The following ARMC9 variants were observed in gnomAD, a reference collection of about 807,000 sequenced individuals.
ARMC9 encodes lisH domain-containing protein ARMC9.
Under a neutral mutation model 107.0 loss-of-function variants are expected in ARMC9, and 94 were observed. The ratio of observed to expected loss-of-function variants is 0.88; its 90% confidence interval spans 0.74 to 1.04. ARMC9 has a LOEUF of 1.04. ARMC9 is among the 50% of genes least tolerant of loss of function. The pLI is 0.00. For missense variants in ARMC9, 942 were observed against 1,030.1 expected (o/e 0.91, Z 1.17); for synonymous variants, 380 against 396.9 (o/e 0.96, Z 0.51).
chr2:231,277,455 T>G (rs895524597), intron 15 of ARMC9, among the ~76,000 whole-genome samples: 26 of 152,042 alleles, frequency 1.7e-4, no homozygotes, highest in African/African-American at 4.8e-4. Context: ...TGGAGCATCT[T>G]CCCCTCTATA....
intron 8 of ARMC9, among the ~76,000 whole-genome samples, chr2:231,235,949 A>G (rs750592623): frequency 6.6e-6 from 1 of 152,034 alleles, no homozygotes; most frequent in Non-Finnish European, 1.5e-5. Flanking sequence ...GCCCTTTTTA[A>G]AAAATATATT....
chr2:231,239,687 A>G (rs181972565), intron 8 of ARMC9, among the ~76,000 whole-genome samples: 7 of 152,292 alleles, frequency 4.6e-5, no homozygotes, highest in Admixed American at 2.6e-4. Flanking sequence ...GCTGAAGTGG[A>G]GTCAGTTAAT....
At chr2:231,265,260 C>G (rs868632704) in intron 12 of ARMC9, among the ~76,000 whole-genome samples, 19 of 152,148 alleles carry the variant, frequency 1.2e-4, no homozygotes, top group African/African-American at 3.9e-4. Flanking sequence ...TGGCCATCCA[C>G]CCAAAGGAAA....
chr2:231,312,368 C>A (rs1339367417), intron 19 of ARMC9, among the ~76,000 whole-genome samples: 6 of 152,234 alleles, frequency 3.9e-5, no homozygotes, highest in Non-Finnish European at 1.5e-5. Context: ...GGCCTCATTT[C>A]TGCCAAATTC....
intron 9 of ARMC9, among the ~76,000 whole-genome samples, chr2:231,245,356 G>A (rs1045642148): frequency 6.6e-6 from 1 of 152,212 alleles, no homozygotes; most frequent in Non-Finnish European, 1.5e-5. Flanking sequence ...GGGTGTGTTC[G>A]TTTGCAGGGA....
Position 231,287,786 on chromosome 2 carries a change from T to C in ARMC9, c.1627-3567T>C, listed in dbSNP as rs1045356323. 3.3e-5 allele frequency among the ~76,000 whole-genome samples: 5 copies of C among 152,298 alleles called. No homozygotes were observed. In the East Asian group the frequency reaches 7.7e-4, roughly 23 times the overall value. ...AAAATTAGTGTAGAAATTTTTCATA[T>C]TCTTGGCCCCATAATTCTACTTCTG... On this transcript the variant is annotated intron_variant, in intron 17 of 24. Transcript: ENST00000611582.
rs1341987081 is a variant in ARMC9 at position 231,328,814 on chromosome 2, C to CTTTTTTTTTT, written c.1774-2975_1774-2974insTTTTTTTTTT. Among the ~76,000 whole-genome samples the CTTTTTTTTTT allele has an allele frequency of 3.4e-3, 435 of 127,018 alleles. 27 individuals are homozygous for CTTTTTTTTTT. The highest frequency in any genetic ancestry group is 9.3e-3 in the Middle Eastern group (2 of 214). 83.3% of individuals were successfully genotyped at this position (127,018 alleles called of 152,430 possible). A position where few individuals can be genotyped will look rare whatever the true frequency, so the allele number is the denominator to read the frequency against. On this transcript the variant is annotated intron_variant, in intron 19 of 24. Coordinates refer to ENST00000611582, the MANE Select transcript of ARMC9 (RefSeq NM_001352754.2). ...AGCGTGTTCAATTTTCTTTTCTTTT[C>CTTTTTTTTTT]TTTTCTTTTTTTTTTTTTGAGTCGG...
chr2:231,360,331 C>T lies in ARMC9; in HGVS notation c.2132-423C>T, dbSNP rs1014470948. ...GGCTGCTCGGTGAGGAGCACCCTAC[C>T]TCTCAGGTTGTTGGTTTTAGCAAAT... On this transcript the variant is annotated intron_variant, in intron 22 of 24. Coordinates refer to ENST00000611582, the MANE Select transcript of ARMC9 (RefSeq NM_001352754.2). The surrounding 1 kb of genome is among the most constrained non-coding windows in gnomAD (Gnocchi z 4.7). Among the ~76,000 whole-genome samples the T allele has an allele frequency of 6.6e-6, 1 of 151,792 alleles. No homozygotes were observed. Among genetic ancestry groups the T allele is most frequent in the Non-Finnish European group, 1.5e-5 (1 of 68,018 alleles).
At position 231,297,884 on chromosome 2, in the gene ARMC9, CCTT is replaced by C. The variant is rs2041481152; in HGVS notation, c.1773+1635_1773+1637del. 6.6e-6 allele frequency among the ~76,000 whole-genome samples: 1 copy of C among 151,776 alleles called. No individual in the cohort carries two copies. The highest frequency in any genetic ancestry group is 6.6e-5 in the Admixed American group (1 of 15,266). ...GTTTGTCTCGAGATCTGTTTTCTTC[CCTT>C]CTTGTATCATCCCTTTGGGTTTTTC... On this transcript the variant is annotated intron_variant, in intron 19 of 24. Transcript: ENST00000611582. The surrounding 1 kb of genome is among the most constrained non-coding windows in gnomAD (Gnocchi z 4.2).
At chr2:231,282,969 A>G (rs1015210765) in intron 17 of ARMC9, among the ~76,000 whole-genome samples, 8 of 152,220 alleles carry the variant, frequency 5.3e-5, no homozygotes, top group African/African-American at 1.9e-4. Context: ...AAAGAAGAGG[A>G]AAAAACATGT....
intron 17 of ARMC9, among the ~76,000 whole-genome samples, chr2:231,283,127 G>C (rs948143188): frequency 6.6e-6 from 1 of 152,134 alleles, no homozygotes; most frequent in Non-Finnish European, 1.5e-5. Context: ...CAGGTTGTGA[G>C]AGCAGGACTG....
intron 19 of ARMC9, among the ~76,000 whole-genome samples, chr2:231,296,852 G>T (rs1385153595): frequency 3.3e-5 from 5 of 152,218 alleles, no homozygotes; most frequent in Admixed American, 2.0e-4. Context: ...CAGATGACAA[G>T]ATTTTACATG....
intron 19 of ARMC9, among the ~76,000 whole-genome samples, chr2:231,330,769 C>G (rs1332012458): frequency 6.6e-6 from 1 of 152,066 alleles, no homozygotes. Flanking sequence ...GTCATGCCAG[C>G]CTTCCCCTGT....
At chr2:231,208,337 A>G in intron 3 of ARMC9, 85 bp downstream of exon 3, 2 of 1,119,434 alleles carry the variant, frequency 1.8e-6, no homozygotes, top group South Asian at 2.7e-5. Context: ...ATAGTGCTAG[A>G]ATAGTTTTTG....
chr2:231,208,642 G>A (rs1408722339), intron 3 of ARMC9, among the ~76,000 whole-genome samples: 1 of 152,220 alleles, frequency 6.6e-6, no homozygotes, highest in Non-Finnish European at 1.5e-5. Flanking sequence ...GGGGAGGTTG[G>A]AGGGAACAGG....
chr2:231,256,609 C>A lies in ARMC9; in HGVS notation c.903C>A (p.Ser301=). 6.2e-7 allele frequency: 1 copy of A among 1,614,038 alleles called. No homozygotes were observed. The highest frequency in any genetic ancestry group is 8.5e-7 in the Non-Finnish European group (1 of 1,179,964). ...PGTASTMLRA[S]LAPVKLKDVP... ...AGGCATCCACCATGTTACGAGCCTC[C>A]TTGGCACCCGTGTAAGTAACTGCTC... The change falls in exon 10 of 25, where the codon TCC becomes TCA. Residue 301 remains serine, a synonymous_variant. Coordinates refer to ENST00000611582, the MANE Select transcript of ARMC9 (RefSeq NM_001352754.2).
intron 19 of ARMC9, among the ~76,000 whole-genome samples, chr2:231,310,442 A>G (rs2042276106): frequency 1.0e-5 from 1 of 99,520 alleles, no homozygotes; most frequent in Admixed American, 9.2e-5. Flanking sequence ...AGGTAAAGTT[A>G]AGCTATGGGC....
chr2:231,320,036 T>G (rs904917482), intron 19 of ARMC9, among the ~76,000 whole-genome samples: 4 of 152,214 alleles, frequency 2.6e-5, no homozygotes, highest in Non-Finnish European at 5.9e-5. Flanking sequence ...GCTAGTATTA[T>G]ATGAATTGTT....
At chr2:231,225,099 C>T (rs1317416708) in intron 6 of ARMC9, among the ~76,000 whole-genome samples, 1 of 152,170 alleles carries the variant, frequency 6.6e-6, no homozygotes, top group Non-Finnish European at 1.5e-5. Flanking sequence ...ATTATAAAAT[C>T]AACTATATTC....
Sources: allele counts gnomAD v4.1 joint callset (sites outside exome capture counted in the v4.1 genomes callset), GRCh38; gene constraint gnomAD v4.1.1; non-coding constraint Gnocchi (gnomAD v3.1); transcripts MANE v1.5; gene names NCBI Gene and HGNC (gene_info 2026-07-23, HGNC 2026-07-21).